TMEM255A: variants seen among roughly 807,000 people sequenced by gnomAD.
TMEM255A encodes the protein transmembrane protein 255A, also known as family with sequence similarity 70, member A.
In TMEM255A, 14 loss-of-function variants were observed where a neutral mutation model predicts 23.5. The observed-to-expected ratio is 0.60, with a 90% CI of 0.39 to 0.93. The LOEUF is 0.93. TMEM255A is among the 40% of genes least tolerant of loss of function. The pLI, the probability that TMEM255A is intolerant of heterozygous loss-of-function variation, is 0.00. For synonymous variants in TMEM255A, 104 were observed against 100.3 expected, an observed-to-expected ratio of 1.04 and a Z score of -0.22; for missense variants, 233 against 261.7, an observed-to-expected ratio of 0.89 and a Z score of 0.76.
intron 4 of TMEM255A, among the ~76,000 whole-genome samples, chrX:120,288,261 G>A (rs1556022222): frequency 1.8e-5 from 2 of 111,628 alleles, no homozygotes; most frequent in African/African-American, 3.3e-5. Flanking sequence ...CCTTTTAGCC[G>A]GCCTCCCCAT....
At chrX:120,297,101 T>A (rs1431457447) in intron 2 of TMEM255A, among the ~76,000 whole-genome samples, 1 of 25,430 alleles carries the variant, frequency 3.9e-5, no homozygotes, top group Non-Finnish European at 5.4e-5. Context: ...TATATAATAT[T>A]ATATATATTA....
intron 5 of TMEM255A, chrX:120,286,043 A>T (rs2057873273): frequency 3.8e-6 from 2 of 521,903 alleles, no homozygotes; most frequent in South Asian, 3.0e-5. Context: ...TGCCTTTCAG[A>T]TAAGCTGTTA....
At chrX:120,303,947 T>C (rs2058048295) in intron 2 of TMEM255A, among the ~76,000 whole-genome samples, 1 of 111,591 alleles carries the variant, frequency 9.0e-6, no homozygotes, top group African/African-American at 3.3e-5. Flanking sequence ...AGATCAGTGC[T>C]GTTGGTCAGA....
intron 8 of TMEM255A, among the ~76,000 whole-genome samples, chrX:120,265,588 T>TA (rs2057711185): frequency 8.9e-6 from 1 of 111,938 alleles, no homozygotes; most frequent in African/African-American, 3.3e-5. Flanking sequence ...GTGCTCCGCT[T>TA]AGATTCACAA....
intron 2 of TMEM255A, among the ~76,000 whole-genome samples, chrX:120,295,819 A>G (rs1459890319): frequency 2.7e-5 from 3 of 111,770 alleles, no homozygotes; most frequent in African/African-American, 6.5e-5. Context: ...CATTCAAAGA[A>G]CTTTGCACAG....
intron 2 of TMEM255A, among the ~76,000 whole-genome samples, chrX:120,303,535 G>T (rs781832188): frequency 9.0e-6 from 1 of 111,242 alleles, no homozygotes; most frequent in Non-Finnish European, 1.9e-5. Flanking sequence ...CAAGAAAATG[G>T]CAGAGTTTAA....
At chrX:120,287,084 GA>G in intron 5 of TMEM255A, 69 bp downstream of exon 5, 2 of 932,468 alleles carry the variant, frequency 2.1e-6, no homozygotes, top group Non-Finnish European at 3.1e-6. Context: ...AGGAGTAAAA[GA>G]AAGGGTGTTT....
chrX:120,289,476 C>T (rs987454522), intron 4 of TMEM255A, among the ~76,000 whole-genome samples: 7 of 111,858 alleles, frequency 6.3e-5, no homozygotes, highest in Non-Finnish European at 1.3e-4. Flanking sequence ...TGAGATACTG[C>T]TTCATACCCA....
At chrX:120,286,864 G>A (rs186278927) in intron 5 of TMEM255A, among the ~76,000 whole-genome samples, 69 of 111,241 alleles carry the variant, frequency 6.2e-4, no homozygotes, top group African/African-American at 2.2e-3. Context: ...TGTGGCCTCT[G>A]TACTCTCATT....
intron 5 of TMEM255A, chrX:120,285,796 C>T: frequency 8.4e-7 from 1 of 1,195,907 alleles, no homozygotes; most frequent in Non-Finnish European, 1.1e-6. Flanking sequence ...CGCAAGAAAG[C>T]TATCACAACA....
rs1297944393 is a variant in TMEM255A, at chrX:120,259,185, ATTTG to A, written c.*1681_*1684del. ...AATTCATTGAGTATTACAAGTTGATATTTGTTTAGTTAGTCAGTTGGGTATTAGT... is the reference window on the plus strand; with the variant it reads ...AATTCATTGAGTATTACAAGTTGATATTTAGTTAGTCAGTTGGGTATTAGT... On this transcript the variant is annotated 3_prime_UTR_variant, in exon 9 of 9. Transcript: ENST00000371369. 1 of 112,599 alleles carries A rather than the reference ATTTG, an allele frequency of 8.9e-6. No homozygotes were observed. Among genetic ancestry groups the A allele is most frequent in the African/African-American group, 3.3e-5 (1 of 30,760 alleles). 9.3% of individuals were successfully genotyped at this position (112,599 alleles called of 1,213,427 possible). A position where few individuals can be genotyped will look rare whatever the true frequency, so the allele number is the denominator to read the frequency against.
intron 7 of TMEM255A, among the ~76,000 whole-genome samples, chrX:120,270,029 C>T (rs2057745450): frequency 9.0e-6 from 1 of 111,180 alleles, no homozygotes; most frequent in Non-Finnish European, 1.9e-5. Flanking sequence ...GAGAAGGCAG[C>T]ACAGAAGAAA....
At chrX:120,257,756 CA>C (rs2057647851), downstream of TMEM255A, 1 of 122,977 alleles carries the variant, frequency 8.1e-6, no homozygotes, top group Admixed American at 9.5e-5. Flanking sequence ...TTCTTTGGGG[CA>C]AAAGTCCTTC....
intron 1 of TMEM255A, among the ~76,000 whole-genome samples, chrX:120,309,455 C>T (rs1020984693): frequency 1.1e-4 from 13 of 113,048 alleles, no homozygotes; most frequent in Non-Finnish European, 5.6e-5. Context: ...CCTGGGCCAC[C>T]AACCAGCCCA....
At chrX:120,263,451 G>C (rs1204342107) in intron 8 of TMEM255A, among the ~76,000 whole-genome samples, 1 of 111,825 alleles carries the variant, frequency 8.9e-6, no homozygotes, top group African/African-American at 3.3e-5. Context: ...CAGGGACACA[G>C]ATGGCTTTCC....
intron 5 of TMEM255A, chrX:120,285,813 A>G (rs1384432379): frequency 8.3e-7 from 1 of 1,199,223 alleles, no homozygotes; most frequent in East Asian, 3.0e-5. Flanking sequence ...AACAAAATCT[A>G]GAGAACAGCA....
chrX:120,254,362 CA>C, downstream of TMEM255A: 1 of 1,211,442 alleles, frequency 8.3e-7, no homozygotes, highest in Non-Finnish European at 1.1e-6. Flanking sequence ...CAGCAGACAC[CA>C]AACAGTGCTA....
chrX:120,289,686 G>T (rs1361953484), intron 4 of TMEM255A, among the ~76,000 whole-genome samples: 2 of 111,880 alleles, frequency 1.8e-5, no homozygotes. Context: ...AAATGAAAAT[G>T]AAAATGAAAA....
downstream of TMEM255A, chrX:120,255,061 G>C: frequency 8.3e-7 from 1 of 1,211,917 alleles, no homozygotes. Flanking sequence ...GGGGAGCGAA[G>C]GTATCAGTGT....
Sources: gnomAD v4.1 joint callset for allele counts (sites outside exome capture counted in the v4.1 genomes callset) on GRCh38, gnomAD v4.1.1 for gene constraint, MANE v1.5 for transcripts, NCBI Gene and HGNC (gene_info 2026-07-23, HGNC 2026-07-21) for gene names.